CDC45: variants seen among roughly 807,000 people sequenced by gnomAD.
CDC45 encodes cell division cycle 45.
In CDC45, 54 loss-of-function variants were observed where a neutral mutation model predicts 77.8. The observed-to-expected ratio is 0.69, with a 90% CI of 0.56 to 0.87. CDC45 has a LOEUF of 0.87. Ranked by LOEUF, CDC45 falls within the 40% of genes least tolerant of loss-of-function variation. The pLI is 0.00. For synonymous variants in CDC45, 260 were observed against 272.1 expected, an observed-to-expected ratio of 0.96 and a Z score of 0.44; for missense variants, 649 against 721.6, an observed-to-expected ratio of 0.90 and a Z score of 1.15.
chr22:19,519,254 C>T (rs1276836107), intron 18 of CDC45, among the ~76,000 whole-genome samples: 1 of 152,258 alleles, frequency 6.6e-6, no homozygotes, highest in Non-Finnish European at 1.5e-5. Flanking sequence ...CCTGGAGCCT[C>T]CTGTCCCACA....
upstream of CDC45, chr22:19,479,872 TG>T: frequency 1.6e-6 from 2 of 1,250,232 alleles, no homozygotes; most frequent in Non-Finnish European, 2.3e-6. Context: ...TGGTGATCCC[TG>T]GACCAATCGG....
intron 9 of CDC45, among the ~76,000 whole-genome samples, chr22:19,503,092 G>A (rs766998891): frequency 3.3e-5 from 5 of 152,094 alleles, no homozygotes; most frequent in Non-Finnish European, 7.4e-5. Context: ...ACTTGAACCC[G>A]GGAGGTCAAA....
intron 8 of CDC45, 27 bp downstream of exon 8, chr22:19,497,474 G>T (rs1464711066): frequency 6.2e-7 from 1 of 1,604,374 alleles, no homozygotes. Flanking sequence ...GCAGCTGTGT[G>T]GGAGTATTTG....
At position 19,518,139 on chromosome 22, in the gene CDC45, A is replaced by G. The variant is rs571011147; in HGVS notation, c.1637-705A>G. On this transcript the variant is annotated intron_variant, in intron 17 of 18. Coordinates refer to ENST00000263201, the MANE Select transcript of CDC45 (RefSeq NM_003504.5). ...ATGTGGGAGAGGTGGATGGACACCC[A>G]CTGGCCTGCAGAATATCTGGCCTTC... Among the ~76,000 whole-genome samples, 27 of 152,272 alleles carry G rather than the reference A, an allele frequency of 1.8e-4. No individual in the cohort carries two copies. In the East Asian group the frequency reaches 5.0e-3, roughly 28 times the overall value.
At chr22:19,517,661 T>G (rs1357425528) in intron 17 of CDC45, among the ~76,000 whole-genome samples, 1 of 152,152 alleles carries the variant, frequency 6.6e-6, no homozygotes, top group Non-Finnish European at 1.5e-5. Flanking sequence ...GCCTCTCTCC[T>G]TGGCTCACAC....
intron 5 of CDC45, among the ~76,000 whole-genome samples, chr22:19,491,976 T>C (rs1415313770): frequency 6.6e-6 from 1 of 152,092 alleles, no homozygotes; most frequent in Non-Finnish European, 1.5e-5. Context: ...GCTACTTTTT[T>C]TGTATTTTTA....
In CDC45 at chr22:19,507,484, A is replaced by G. The variant is rs1037930000; in HGVS notation, c.923A>G (p.Gln308Arg). The G allele has an allele frequency of 4.3e-6, 7 of 1,614,180 alleles. No homozygotes were observed. The African/African-American group carries it at 9.3e-5, about 22-fold the overall frequency. ...TTCAAGCTGTGGTCTGTGCATGGAC[A>G]GAAGCGGCTCCAGGAGTTCCTTGCA... ...ARFKLWSVHG[Q>R]KRLQEFLADM... The change falls in exon 11 of 19, where the codon CAG becomes CGG. Residue 308 changes from glutamine (Q) to arginine (R), a missense_variant. Physicochemically the swap from Gln to Arg is conservative, Grantham distance 43 (BLOSUM62 1). Transcript: ENST00000263201.
chr22:19,498,409 C>T (rs1446827127), intron 8 of CDC45, among the ~76,000 whole-genome samples: 3 of 152,244 alleles, frequency 2.0e-5, no homozygotes, highest in African/African-American at 7.2e-5. Context: ...AGAACCATCC[C>T]TCCTCTGAGT....
chr22:19,511,504 A>C (rs560103890), intron 13 of CDC45, among the ~76,000 whole-genome samples: 7 of 151,734 alleles, frequency 4.6e-5, no homozygotes, highest in Non-Finnish European at 5.9e-5. Context: ...TAATTTTTAA[A>C]TTTTTAGTAG....
intron 6 of CDC45, chr22:19,494,740 A>C: frequency 1.3e-6 from 1 of 742,588 alleles, no homozygotes; most frequent in Non-Finnish European, 2.2e-6. Flanking sequence ...TCTAGCTTGA[A>C]GTGAGCATGC....
chr22:19,494,661 A>G, intron 6 of CDC45: 1 of 1,096,704 alleles, frequency 9.1e-7, no homozygotes, highest in Non-Finnish European at 1.3e-6. Flanking sequence ...AAGTTTTTCC[A>G]ATGTAGATAC....
Position 19,491,768 on chromosome 22 carries a change from C to T in CDC45, c.487-2559C>T, listed in dbSNP as rs139018658. On this transcript the variant is annotated intron_variant, in intron 5 of 18. Coordinates refer to ENST00000263201, the MANE Select transcript of CDC45 (RefSeq NM_003504.5). ...TCACCCAGGCTGGAATGCAGTGGCA[C>T]GATCTCAGCTCACTGTAACCTCCAC... Among the ~76,000 whole-genome samples the T allele has an allele frequency of 8.6e-4, 131 of 151,840 alleles. 1 individual carries two copies. Among genetic ancestry groups the T allele is most frequent in the Admixed American group, 2.6e-4 (4 of 15,238 alleles).
At chr22:19,508,014 A>C in intron 12 of CDC45, 150 bp downstream of exon 12, 1 of 609,160 alleles carries the variant, frequency 1.6e-6, no homozygotes, top group Non-Finnish European at 2.9e-6. Flanking sequence ...AGAATGTACA[A>C]ATGAGTGTTA....
intron 8 of CDC45, among the ~76,000 whole-genome samples, chr22:19,498,887 C>G (rs1298569322): frequency 1.3e-5 from 2 of 152,210 alleles, no homozygotes; most frequent in African/African-American, 4.8e-5. Context: ...CCCACAGTGG[C>G]AGACACTGCA....
At chr22:19,484,093 A>G (rs1687688152) in intron 5 of CDC45, 88 bp downstream of exon 5, 4 of 1,275,826 alleles carry the variant, frequency 3.1e-6, no homozygotes, top group Non-Finnish European at 4.3e-6. Context: ...GCCAAGGTGT[A>G]CTGAGGGCAG....
Position 19,514,808 on chromosome 22 carries a change from C to T in CDC45, c.1277C>T (p.Thr426Ile), listed in dbSNP as rs1933691354. The part of the protein sequence containing the change: ...LELAKKQLRA[T>I]QQTIASCLCT... ...CTCGCCAAGAAGCAGCTGCGAGCCA[C>T]CCAGCAGACCATTGCCAGCTGCCTT... The change falls in exon 14 of 19, where the codon ACC becomes ATC. Residue 426 changes from threonine to isoleucine, a missense_variant. Transcript: ENST00000263201. The T allele has an allele frequency of 6.2e-7, 1 of 1,614,146 alleles. No homozygotes were observed. The highest frequency in any genetic ancestry group is 8.5e-7 in the Non-Finnish European group (1 of 1,180,014).
intron 9 of CDC45, 86 bp downstream of exon 9, chr22:19,499,237 A>G: frequency 7.1e-7 from 1 of 1,406,704 alleles, no homozygotes; most frequent in Non-Finnish European, 1.0e-6. Flanking sequence ...AGTTTTTAGC[A>G]GGGTCCCTGT....
intron 2 of CDC45, 57 bp from the exon 3 acceptor site, chr22:19,480,896 C>A: frequency 9.0e-7 from 1 of 1,107,130 alleles, no homozygotes; most frequent in East Asian, 2.4e-5. Flanking sequence ...AGTTTCTTTT[C>A]AAGGTAAATT....
chr22:19,504,460 C>T (rs995465838), intron 9 of CDC45, among the ~76,000 whole-genome samples: 6 of 152,090 alleles, frequency 3.9e-5, no homozygotes, highest in Non-Finnish European at 5.9e-5. Context: ...GCAACACGCC[C>T]GGCTAATTTT....
Sources: gnomAD v4.1 joint callset for allele counts (sites outside exome capture counted in the v4.1 genomes callset) on GRCh38, gnomAD v4.1.1 for gene constraint, MANE v1.5 for transcripts, NCBI Gene and HGNC (gene_info 2026-07-23, HGNC 2026-07-21) for gene names.